The following SLC44A3 variants were observed in gnomAD, a reference collection of about 807,000 sequenced individuals.
SLC44A3 encodes choline transporter-like protein 3.
Under a neutral mutation model 75.4 loss-of-function variants are expected in SLC44A3, and 74 were observed. The ratio of observed to expected loss-of-function variants is 0.98; its 90% CI spans 0.81 to 1.19. The LOEUF is 1.19. SLC44A3 is among the 50% of genes most tolerant of loss of function. The pLI is 0.00. For missense variants in SLC44A3, 700 were observed against 778.6 expected (o/e 0.90, Z 1.20); for synonymous variants, 310 against 296.9 (o/e 1.04, Z -0.45).
intron 8 of SLC44A3, 138 bp from the exon 9 acceptor site, chr1:94,845,140 A>T (rs1664239176): frequency 1.1e-6 from 1 of 916,286 alleles, no homozygotes; most frequent in Non-Finnish European, 1.6e-6. Flanking sequence ...ATGCATCTGT[A>T]AAATTATAAC....
rs374307300 is a variant in SLC44A3, at chr1:94,881,691, A to G, written c.1483-9439A>G. On this transcript the variant is annotated intron_variant, in intron 12 of 14. Transcript: ENST00000271227. ...TGCACTGAAGCCTGGGCAACAGAGC[A>G]AGACTCCGTCTCAAAAAAAAAAAAG... Among the ~76,000 whole-genome samples, 4 of 147,202 alleles carry G rather than the reference A, an allele frequency of 2.7e-5. No individual in the cohort carries two copies. In the East Asian group the frequency reaches 6.2e-4, roughly 23 times the overall value.
intron 14 of SLC44A3, 32 bp from the exon 15 acceptor site, chr1:94,894,786 A>C (rs1670596691): frequency 6.4e-7 from 1 of 1,567,796 alleles, no homozygotes; most frequent in Non-Finnish European, 8.7e-7. Flanking sequence ...CAGACACATA[A>C]TACTATTCTA....
intron 9 of SLC44A3, among the ~76,000 whole-genome samples, chr1:94,848,258 T>A (rs961832889): frequency 4.7e-5 from 7 of 149,426 alleles, no homozygotes; most frequent in African/African-American, 1.7e-4. Flanking sequence ...CCTCTTCAAG[T>A]TTGCTCAGAA....
chr1:94,886,414 A>C (rs2101647226), intron 12 of SLC44A3, among the ~76,000 whole-genome samples: 2 of 151,532 alleles, frequency 1.3e-5, no homozygotes, highest in Admixed American at 6.6e-5. Flanking sequence ...CTGACCCCCG[A>C]CTCTTCCAGA....
Position 94,894,739 on chromosome 1 carries a change from GAGA to G in SLC44A3, c.1858-76_1858-74del, listed in dbSNP as rs141190628. ...TTCAGCAAACCGTCAGAGGGCAAAG[GAGA>G]AGTTTTCCCTCGGCCCCTACGTTAT... On this transcript the variant is annotated intron_variant, in intron 14 of 14. Transcript: ENST00000271227. 2.3e-3 allele frequency: 2,764 copies of G among 1,185,596 alleles called. 32 individuals carry two copies. In the African/African-American group the frequency reaches 0.036, roughly 16 times the overall value. 73.4% of individuals were successfully genotyped at this position (1,185,596 alleles called of 1,614,324 possible). A position where few individuals can be genotyped will look rare whatever the true frequency, so the allele number is the denominator to read the frequency against.
chr1:94,882,401 C>G (rs947240717), intron 12 of SLC44A3, among the ~76,000 whole-genome samples: 1 of 152,162 alleles, frequency 6.6e-6, no homozygotes, highest in Non-Finnish European at 1.5e-5. Context: ...TCTGAGGAAG[C>G]TTGAAGTCAG....
intron 12 of SLC44A3, among the ~76,000 whole-genome samples, chr1:94,877,845 T>C (rs1284030524): frequency 6.6e-6 from 1 of 152,116 alleles, no homozygotes. Flanking sequence ...ACAGCTGAGG[T>C]TGAATGACTT....
intron 9 of SLC44A3, among the ~76,000 whole-genome samples, chr1:94,847,439 C>T (rs998604015): frequency 3.0e-4 from 45 of 152,224 alleles, no homozygotes; most frequent in African/African-American, 1.1e-3. Flanking sequence ...CAGCCAGGTC[C>T]CAGTTACATA....
intron 5 of SLC44A3, among the ~76,000 whole-genome samples, chr1:94,830,179 T>C (rs1661933972): frequency 2.6e-5 from 4 of 152,140 alleles, no homozygotes. Context: ...AGGAGAGAAC[T>C]ATTTGCTGAG....
chr1:94,877,055 C>A (rs1174696447), intron 12 of SLC44A3, among the ~76,000 whole-genome samples: 1 of 151,856 alleles, frequency 6.6e-6, no homozygotes. Context: ...GTCTCTGGTA[C>A]CCCCTCACTC....
chr1:94,845,278 G>A lies in SLC44A3; in HGVS notation c.886G>A (p.Ala296Thr). The A allele has an allele frequency of 1.2e-6, 2 of 1,602,252 alleles. No individual in the cohort carries two copies. Among genetic ancestry groups the A allele is most frequent in the Non-Finnish European group, 8.5e-7 (1 of 1,174,160 alleles). ...TTTACTCAAATCCCTTTCTCACCAGGCAGTGCTGCTCGTCTTGATTTTTGT... is the reference window on the plus strand; with the variant it reads ...TTTACTCAAATCCCTTTCTCACCAGACAGTGCTGCTCGTCTTGATTTTTGT... ...GFAIVSTGITAVLLVLIFVLR... is the reference protein window; with the variant it reads ...GFAIVSTGITTVLLVLIFVLR... The change falls in exon 9 of 15, where the codon GCA (alanine) becomes ACA (threonine). Residue 296 changes from alanine (A) to threonine (T), a missense_variant and splice_region_variant. By Grantham distance (58) the Ala-to-Thr change is moderately conservative. Transcript: ENST00000271227.
rs184479004 is a variant in SLC44A3 at position 94,840,722 on chromosome 1, C to T, written c.760+685C>T. Among the ~76,000 whole-genome samples the T allele has an allele frequency of 7.9e-4, 120 of 152,342 alleles. 2 individuals carry two copies. The South Asian group carries it at 8.3e-3, about 11-fold the overall frequency. ...CATTTTAAAGGATTTCTTCTGAATG[C>T]GCACCTCACCCATTGGCACGTGGGT... On this transcript the variant is annotated intron_variant, in intron 7 of 14. Coordinates refer to ENST00000271227, the MANE Select transcript of SLC44A3 (RefSeq NM_001114106.3).
chr1:94,858,518 C>G (rs1445890424), intron 10 of SLC44A3, among the ~76,000 whole-genome samples: 2 of 152,126 alleles, frequency 1.3e-5, no homozygotes, highest in African/African-American at 2.4e-5. Context: ...CAGGACTGGG[C>G]TCAGAAAGAG....
chr1:94,885,833 ATTAT>A (rs1669526710), intron 12 of SLC44A3, among the ~76,000 whole-genome samples: 3 of 152,176 alleles, frequency 2.0e-5, no homozygotes, highest in African/African-American at 4.8e-5. Context: ...TAATGCCATT[ATTAT>A]TTATTATTAG....
Position 94,839,881 on chromosome 1 carries a change from A to G in SLC44A3, c.671-67A>G. The G allele has an allele frequency of 2.7e-6, 3 of 1,116,576 alleles. No individual in the cohort carries two copies. The South Asian group carries it at 3.7e-5, about 14-fold the overall frequency. 69.2% of individuals were successfully genotyped at this position (1,116,576 alleles called of 1,614,324 possible). A position where few individuals can be genotyped will look rare whatever the true frequency, so the allele number is the denominator to read the frequency against. On this transcript the variant is annotated intron_variant, in intron 6 of 14. Coordinates refer to ENST00000271227, the MANE Select transcript of SLC44A3 (RefSeq NM_001114106.3). Reference sequence around the variant, plus strand: ...CTGTTCTGGAGGGTTTTGTCATCGCAGTACTACCATCATCTCCCCTATCCT... The same window carrying G: ...CTGTTCTGGAGGGTTTTGTCATCGCGGTACTACCATCATCTCCCCTATCCT...
chr1:94,894,935 G>GTATC lies in SLC44A3; in HGVS notation c.*15_*18dup. 1.3e-6 allele frequency: 2 copies of GTATC among 1,589,290 alleles called. No homozygotes were observed. Among genetic ancestry groups the GTATC allele is most frequent in the Non-Finnish European group, 1.7e-6 (2 of 1,162,518 alleles). Reference sequence around the variant, plus strand: ...CATTGTGAGATAGATACCCATTTAGGTATCTGTACCTGGAAAACATTTCCT... The same window carrying GTATC: ...CATTGTGAGATAGATACCCATTTAGGTATCTATCTGTACCTGGAAAACATTTCCT... On this transcript the variant is annotated 3_prime_UTR_variant, in exon 15 of 15. Coordinates refer to ENST00000271227, the MANE Select transcript of SLC44A3 (RefSeq NM_001114106.3).
rs189102530 is a variant in SLC44A3, at chr1:94,891,298, G to C, written c.1620+31G>C. On this transcript the variant is annotated intron_variant, in intron 13 of 14. Coordinates refer to ENST00000271227, the MANE Select transcript of SLC44A3 (RefSeq NM_001114106.3). The stretch of plus-strand genomic sequence containing the variant: ...ATATCTTGACTAAATAAAGGAGCCT[G>C]GGATTCTGAAAATTAAGCCATACAA... 78 of 1,567,094 alleles carry C rather than the reference G, an allele frequency of 5.0e-5. No homozygotes were observed. In the East Asian group the frequency reaches 1.6e-3, roughly 32 times the overall value.
At chr1:94,888,636 ACTTT>A (rs1669861814) in intron 12 of SLC44A3, 2 of 970,394 alleles carry the variant, frequency 2.1e-6, no homozygotes, top group Admixed American at 6.3e-5. Flanking sequence ...TCCTTGTGGA[ACTTT>A]CTTTTTTTTT....
intron 12 of SLC44A3, among the ~76,000 whole-genome samples, chr1:94,884,346 T>C (rs979333723): frequency 3.0e-4 from 46 of 152,254 alleles, no homozygotes; most frequent in African/African-American, 9.6e-4. Flanking sequence ...TCCACATGTG[T>C]TTGTGATAAA....
Sources: allele counts gnomAD v4.1 joint callset (sites outside exome capture counted in the v4.1 genomes callset), GRCh38; gene constraint gnomAD v4.1.1; transcripts MANE v1.5; gene names NCBI Gene and HGNC (gene_info 2026-07-23, HGNC 2026-07-21).